SMARCC1: variants seen among roughly 807,000 people sequenced by gnomAD.
SMARCC1 encodes the protein SWI/SNF related BAF chromatin remodeling complex subunit C1.
In SMARCC1, 43 loss-of-function variants were observed where a neutral mutation model predicts 147.4. That is an observed-to-expected ratio of 0.29 (90% CI 0.23 to 0.38). SMARCC1 has a LOEUF of 0.38. SMARCC1 is among the 10% of genes least tolerant of loss of function. The pLI is 1.00. For missense variants in SMARCC1, 1,119 were observed against 1,381.1 expected (o/e 0.81, Z 3.01); for synonymous variants, 495 against 484.4 (o/e 1.02, Z -0.29).
chr3:47,610,434 C>A (rs903712819), intron 25 of SMARCC1, 107 bp from the exon 26 acceptor site: 3 of 1,132,444 alleles, frequency 2.6e-6, no homozygotes, highest in Non-Finnish European at 3.9e-6. Context: ...TCCCATCACA[C>A]TGACATCACC....
intron 2 of SMARCC1, among the ~76,000 whole-genome samples, chr3:47,771,038 G>A (rs1294073512): frequency 6.6e-6 from 1 of 152,012 alleles, no homozygotes; most frequent in Non-Finnish European, 1.5e-5. Context: ...AGCCTCCCAA[G>A]GAGCTGGGAC....
At chr3:47,684,064 C>A (rs1158634524) in intron 14 of SMARCC1, among the ~76,000 whole-genome samples, 1 of 151,880 alleles carries the variant, frequency 6.6e-6, no homozygotes, top group African/African-American at 2.4e-5. Flanking sequence ...CACGGTGAAA[C>A]CCCGTCTCTA....
chr3:47,706,540 A>C lies in SMARCC1; in HGVS notation c.919-10T>G. Reference sequence around the variant, plus strand: ...CTGGACTTCTGACTGGCTAGGAAGAAGTAAATGGAAATAAGTATCAGCTAT... The same window carrying C: ...CTGGACTTCTGACTGGCTAGGAAGACGTAAATGGAAATAAGTATCAGCTAT... On this transcript the variant is annotated splice_polypyrimidine_tract_variant and intron_variant, in intron 9 of 27. Coordinates refer to ENST00000254480, the MANE Select transcript of SMARCC1 (RefSeq NM_003074.4). 1.9e-6 allele frequency: 3 copies of C among 1,547,454 alleles called. No homozygotes were observed. The highest frequency in any genetic ancestry group is 2.6e-6 in the Non-Finnish European group (3 of 1,152,264).
At chr3:47,764,030 GAA>G (rs994477769) in intron 2 of SMARCC1, among the ~76,000 whole-genome samples, 1 of 145,546 alleles carries the variant, frequency 6.9e-6, no homozygotes, top group Non-Finnish European at 1.5e-5. Context: ...TTCTCTTTAG[GAA>G]AAAAAAAAGA....
chr3:47,718,745 G>T (rs1576421019), intron 7 of SMARCC1, among the ~76,000 whole-genome samples: 2 of 151,858 alleles, frequency 1.3e-5, no homozygotes, highest in East Asian at 3.9e-4. Flanking sequence ...GGTGAAAGAA[G>T]ACTGACTAGA....
At chr3:47,665,041 C>A (rs1175216499) in intron 19 of SMARCC1, among the ~76,000 whole-genome samples, 1 of 151,916 alleles carries the variant, frequency 6.6e-6, no homozygotes, top group African/African-American at 2.4e-5. Flanking sequence ...CTGTATTGCC[C>A]AGGATGGTCA....
rs1222782989 is a variant in SMARCC1 at position 47,747,440 on chromosome 3, AAAATAT to A, written c.316-1453_316-1448del. On this transcript the variant is annotated intron_variant, in intron 2 of 27. Coordinates refer to ENST00000254480, the MANE Select transcript of SMARCC1 (RefSeq NM_003074.4). ...CAATAAAACCAGAATTTGTCTCAAA[AAAATAT>A]AAATATAAATATAAATATAAATATA... Among the ~76,000 whole-genome samples, 249 of 120,824 alleles carry A rather than the reference AAAATAT, an allele frequency of 2.1e-3. 2 individuals are homozygous for A. Among genetic ancestry groups the A allele is most frequent in the Middle Eastern group, 8.6e-3 (2 of 232 alleles). The allele number at this position is 120,824 out of a possible 152,430, so 79.3% of individuals were successfully genotyped here. A position where few individuals can be genotyped will look rare whatever the true frequency, so the allele number is the denominator to read the frequency against.
rs1184615760 is a variant in SMARCC1, at chr3:47,745,913, C to T, written c.396G>A (p.Gln132=). 2 of 1,552,060 alleles carry T rather than the reference C, an allele frequency of 1.3e-6. No individual in the cohort carries two copies. Among genetic ancestry groups the T allele is most frequent in the Non-Finnish European group, 1.7e-6 (2 of 1,152,664 alleles). Residue 132 remains glutamine (Q), a synonymous_variant, in exon 3 of 28, where the codon CAG becomes CAA. Coordinates refer to ENST00000254480, the MANE Select transcript of SMARCC1 (RefSeq NM_003074.4). ...LGAAYKYKNE[Q]GWRRFDLQNP... ...AAACAAATACAAAAACTTACCATCC[C>T]TGTTCATTTTTATACTTGTAAGCAG...
chr3:47,678,262 G>A lies in SMARCC1; in HGVS notation c.1507C>T (p.Gln503Ter). Residue 503 changes from glutamine (Q) to a stop codon, truncating the protein, a stop_gained, in exon 16 of 28, where the codon CAA becomes TAA. Coordinates refer to ENST00000254480, the MANE Select transcript of SMARCC1 (RefSeq NM_003074.4). LOFTEE classifies it high-confidence loss of function. ...CAAGCAGTGCTAGTTAAATACTCTT[G>A]GGGGTTTAGACGATACGTGTCAATC... ...FMIDTYRLNP[Q>*]EYLTSTACRR... is the part of the protein sequence containing the mutation. 1 of 1,607,744 alleles carries A rather than the reference G, an allele frequency of 6.2e-7. No individual in the cohort carries two copies. Among genetic ancestry groups the A allele is most frequent in the Non-Finnish European group, 8.5e-7 (1 of 1,177,336 alleles).
At chr3:47,599,172 A>G (rs556534342) in intron 26 of SMARCC1, among the ~76,000 whole-genome samples, 80 of 152,282 alleles carry the variant, frequency 5.3e-4, no homozygotes, top group African/African-American at 1.8e-3. Context: ...GGATCACCTG[A>G]GGTCAGGAGT....
intron 25 of SMARCC1, among the ~76,000 whole-genome samples, chr3:47,618,233 G>C (rs1417793584): frequency 6.6e-6 from 1 of 152,132 alleles, no homozygotes; most frequent in African/African-American, 2.4e-5. Flanking sequence ...GATCTGATTA[G>C]AAAGTAACAT....
intron 19 of SMARCC1, 78 bp from the exon 20 acceptor site, chr3:47,662,670 T>A: frequency 8.3e-7 from 1 of 1,205,620 alleles, no homozygotes. Flanking sequence ...TTTAGATAGC[T>A]TTTTTAAAAA....
At chr3:47,680,565 TGAGACGGAG>T (rs2033631350) in intron 14 of SMARCC1, 57 bp from the exon 15 acceptor site, 1 of 1,158,938 alleles carries the variant, frequency 8.6e-7, no homozygotes, top group Non-Finnish European at 1.2e-6. Context: ...TTTTTTTTTT[TGAGACGGAG>T]TCTCGCTCTG....
chr3:47,606,877 C>CTT (rs34081063), intron 26 of SMARCC1, among the ~76,000 whole-genome samples: 11 of 135,872 alleles, frequency 8.1e-5, no homozygotes, highest in African/African-American at 1.6e-4. Context: ...CACCTGGCTA[C>CTT]TTTTTTTTTT....
At chr3:47,775,650 T>G (rs2034965443) in intron 1 of SMARCC1, among the ~76,000 whole-genome samples, 1 of 150,858 alleles carries the variant, frequency 6.6e-6, no homozygotes, top group African/African-American at 2.4e-5. Flanking sequence ...CACTTGCCTG[T>G]AGTCCCAGCT....
chr3:47,588,703 G>GCCCCCCCCCCCCCCCCCCC (rs544157096), intron 27 of SMARCC1, among the ~76,000 whole-genome samples: 1 of 48,394 alleles, frequency 2.1e-5, no homozygotes, highest in Admixed American at 2.7e-4. Context: ...TTTTCTTCCC[G>GCCCCCCCCCCCCCCCCCCC]CCCCCCCCCC....
chr3:47,663,123 AAGGGAGGGAGGGAGGGAGGAAGGAAAGG>A, intron 19 of SMARCC1, among the ~76,000 whole-genome samples: 1 of 105,526 alleles, frequency 9.5e-6, no homozygotes, highest in Admixed American at 9.6e-5. Context: ...GGAGGGAAGG[AAGGGAGGGAGGGAGGGAGGAAGGAAAGG>A]AGGGAAGGGA....
chr3:47,728,078 CTTTTTTTTTTTTTTT>C (rs1166964500), intron 6 of SMARCC1, among the ~76,000 whole-genome samples: 4 of 56,860 alleles, frequency 7.0e-5, no homozygotes, highest in Admixed American at 6.1e-4. Context: ...TTATTAGTCC[CTTTTTTTTTTTTTTT>C]TTTTTTTTTT....
At chr3:47,722,264 A>G (rs1447457792) in intron 6 of SMARCC1, among the ~76,000 whole-genome samples, 1 of 150,906 alleles carries the variant, frequency 6.6e-6, no homozygotes, top group Non-Finnish European at 1.5e-5. Flanking sequence ...ATCTTTCCTA[A>G]CCACAGCTGA....
Sources: gnomAD v4.1 joint callset for allele counts (sites outside exome capture counted in the v4.1 genomes callset) on GRCh38, gnomAD v4.1.1 for gene constraint, MANE v1.5 for transcripts, NCBI Gene and HGNC (gene_info 2026-07-23, HGNC 2026-07-21) for gene names.